DOCK3: variants seen among roughly 807,000 people sequenced by gnomAD.
The protein encoded by DOCK3 is dedicator of cytokinesis protein 3.
Under a neutral mutation model 265.6 loss-of-function variants are expected in DOCK3, and 60 were observed. The ratio of observed to expected loss-of-function variants is 0.23; its 90% confidence interval spans 0.18 to 0.28. The LOEUF is 0.28. Among genes scored for constraint, DOCK3 ranks in the 10% least tolerant of loss-of-function variants. DOCK3 has a pLI of 1.00. For synonymous variants in DOCK3, 881 were observed against 938.0 expected (o/e 0.94, Z 1.11); for missense variants, 1,981 against 2,594.3 (o/e 0.76, Z 5.14).
chr3:51,187,207 G>T (rs1482313673), intron 12 of DOCK3, among the ~76,000 whole-genome samples: 1 of 152,238 alleles, frequency 6.6e-6, no homozygotes, highest in African/African-American at 2.4e-5. Context: ...GCATCAGCGT[G>T]ACCTGGATGT....
At position 51,381,259 on chromosome 3, in the gene DOCK3, C is replaced by G. The variant is rs1318020671; in HGVS notation, c.5793C>G (p.Pro1931=). The G allele has an allele frequency of 1.9e-6, 3 of 1,613,882 alleles. No individual in the cohort carries two copies. The highest frequency in any genetic ancestry group is 2.5e-6 in the Non-Finnish European group (3 of 1,179,872). The change falls in exon 53 of 53, where the codon CCC becomes CCG. Residue 1931 remains proline (P), a synonymous_variant. Transcript: ENST00000266037. This position sits in a 1 kb window ranked among gnomAD's most constrained non-coding sequence, Gnocchi z 5.6. Reference sequence around the variant, plus strand: ...ATGCTGACGAAGATCTTGAGCCACCCTACCTCCCTGTCCACTACAGCCTCT... The same window carrying G: ...ATGCTGACGAAGATCTTGAGCCACCGTACCTCCCTGTCCACTACAGCCTCT... The part of the protein sequence containing the change: ...AWNADEDLEP[P]YLPVHYSLSE...
chr3:51,080,483 A>G (rs1274988602), intron 7 of DOCK3, among the ~76,000 whole-genome samples: 1 of 152,192 alleles, frequency 6.6e-6, no homozygotes, highest in South Asian at 2.1e-4. Flanking sequence ...TTACACTGAA[A>G]AGGGAGGTAT....
chr3:51,246,115 T>TG (rs2078825475), intron 21 of DOCK3, among the ~76,000 whole-genome samples: 1 of 152,168 alleles, frequency 6.6e-6, no homozygotes, highest in Non-Finnish European at 1.5e-5. Flanking sequence ...CAGGGACTCC[T>TG]GGGACTGCAT....
chr3:51,307,206 C>T (rs1425917194), intron 27 of DOCK3, among the ~76,000 whole-genome samples: 4 of 152,060 alleles, frequency 2.6e-5, no homozygotes, highest in African/African-American at 9.7e-5. Flanking sequence ...TACAACCTTG[C>T]CTGGACTCAA....
intron 1 of DOCK3, among the ~76,000 whole-genome samples, chr3:50,700,411 G>A (rs1429760781): frequency 6.6e-6 from 1 of 152,102 alleles, no homozygotes; most frequent in East Asian, 1.9e-4. Context: ...TGTACCCATT[G>A]ACCAACTGCC....
chr3:50,691,756 A>G (rs772137848), intron 1 of DOCK3, among the ~76,000 whole-genome samples: 4 of 152,158 alleles, frequency 2.6e-5, no homozygotes, highest in Non-Finnish European at 5.9e-5. Context: ...TAGCCTTTCA[A>G]ATAGATGTGA....
chr3:51,379,516 T>C, intron 51 of DOCK3: 3 of 985,464 alleles, frequency 3.0e-6, no homozygotes, highest in Non-Finnish European at 3.6e-6. Context: ...CCTTCCTGTC[T>C]GCCCATATGG....
At chr3:51,033,027 A>G (rs901967281) in intron 5 of DOCK3, among the ~76,000 whole-genome samples, 3 of 152,304 alleles carry the variant, frequency 2.0e-5, no homozygotes, top group East Asian at 1.9e-4. Flanking sequence ...AAATTTAACT[A>G]TGTCAATGTA....
chr3:51,159,361 T>G, intron 11 of DOCK3, 57 bp downstream of exon 11: 2 of 1,518,014 alleles, frequency 1.3e-6, no homozygotes, highest in Non-Finnish European at 1.8e-6. Context: ...GGGATAAGTA[T>G]GTCTTGTGCA....
chr3:51,199,958 C>A (rs2088607719), intron 12 of DOCK3, among the ~76,000 whole-genome samples: 1 of 152,212 alleles, frequency 6.6e-6, no homozygotes, highest in Non-Finnish European at 1.5e-5. Context: ...CTCCAACAGA[C>A]CTGCAGCTGA....
chr3:51,036,191 AT>A (rs1184162306), intron 5 of DOCK3, among the ~76,000 whole-genome samples: 8 of 152,028 alleles, frequency 5.3e-5, no homozygotes, highest in African/African-American at 1.9e-4. Context: ...GGTGTTTTGT[AT>A]TTTGCCCAGA....
At chr3:51,375,717 ACT>A (rs2088059273) in intron 50 of DOCK3, 29 bp from the exon 51 acceptor site, 1 of 1,612,406 alleles carries the variant, frequency 6.2e-7, no homozygotes, top group African/African-American at 1.3e-5. Flanking sequence ...GGTTGTTTTC[ACT>A]CTCTGTAATG....
intron 9 of DOCK3, among the ~76,000 whole-genome samples, chr3:51,102,517 G>A (rs1467002217): frequency 6.6e-6 from 1 of 152,166 alleles, no homozygotes; most frequent in Non-Finnish European, 1.5e-5. Flanking sequence ...AACAAAGTCT[G>A]GAGACTCATG....
intron 27 of DOCK3, among the ~76,000 whole-genome samples, chr3:51,300,840 C>T (rs939634797): frequency 6.6e-6 from 1 of 152,150 alleles, no homozygotes; most frequent in African/African-American, 2.4e-5. Flanking sequence ...CAATGTTCAT[C>T]AGGGATATTG....
At chr3:50,811,271 G>C (rs1489862855) in intron 2 of DOCK3, among the ~76,000 whole-genome samples, 1 of 151,860 alleles carries the variant, frequency 6.6e-6, no homozygotes, top group Non-Finnish European at 1.5e-5. Flanking sequence ...GGGTGTGGTG[G>C]TGCATGCCTG....
chr3:51,226,571 A>G (rs1428813357), intron 15 of DOCK3, among the ~76,000 whole-genome samples: 1 of 152,238 alleles, frequency 6.6e-6, no homozygotes. Context: ...AACGATTTGT[A>G]TGTCATTTTA....
chr3:50,950,958 A>ATC (rs35552377), intron 5 of DOCK3, among the ~76,000 whole-genome samples: 14,398 of 149,938 alleles, frequency 0.096, 833 homozygotes, highest in Non-Finnish European at 0.12. Flanking sequence ...AACGGAGGGA[A>ATC]TCTCTCTCTC....
At chr3:50,950,805 C>T (rs969359319) in intron 5 of DOCK3, among the ~76,000 whole-genome samples, 1 of 152,118 alleles carries the variant, frequency 6.6e-6, no homozygotes, top group African/African-American at 2.4e-5. Context: ...TGCAGTCCTC[C>T]TTATTGCAAT....
intron 23 of DOCK3, among the ~76,000 whole-genome samples, chr3:51,265,386 G>A (rs900137770): frequency 6.6e-5 from 10 of 151,916 alleles, no homozygotes; most frequent in Non-Finnish European, 1.5e-4. Flanking sequence ...AACCTGGCAG[G>A]GACACAACAA....
Sources: gnomAD v4.1 joint callset for allele counts (sites outside exome capture counted in the v4.1 genomes callset) on GRCh38, gnomAD v4.1.1 for gene constraint, Gnocchi (gnomAD v3.1) non-coding constraint, MANE v1.5 for transcripts, NCBI Gene and HGNC (gene_info 2026-07-23, HGNC 2026-07-21) for gene names.